The following MAPRE2 variants were observed in gnomAD, a reference collection of about 807,000 sequenced individuals.
The protein encoded by MAPRE2 is microtubule-associated protein RP/EB family member 2.
Under a neutral mutation model 43.2 loss-of-function variants are expected in MAPRE2, and 13 were observed. That is an observed-to-expected ratio of 0.30 (90% confidence interval 0.20 to 0.48). The LOEUF (loss-of-function observed/expected upper bound fraction) is 0.48, where lower values mean the gene tolerates loss of function less well. Ranked by LOEUF, MAPRE2 falls within the 20% of genes least tolerant of loss-of-function variation. The pLI is 0.99. For missense variants in MAPRE2, 161 were observed against 400.2 expected (o/e 0.40, Z 5.10); for synonymous variants, 135 against 148.8 (o/e 0.91, Z 0.68).
upstream of MAPRE2, chr18:35,041,398 G>C: frequency 2.0e-6 from 3 of 1,507,352 alleles, no homozygotes; most frequent in Non-Finnish European, 2.7e-6. Context: ...AGGGCGGGGC[G>C]CGAGCGAGAG....
chr18:35,127,178 G>A, intron 5 of MAPRE2, 91 bp downstream of exon 5: 2 of 1,279,036 alleles, frequency 1.6e-6, no homozygotes, highest in Non-Finnish European at 2.2e-6. Flanking sequence ...GGTAAGGGAG[G>A]GAAGGGTAAG....
chr18:35,138,842 T>C (rs1210438496), intron 6 of MAPRE2, among the ~76,000 whole-genome samples: 1 of 152,152 alleles, frequency 6.6e-6, no homozygotes, highest in Non-Finnish European at 1.5e-5. Context: ...GTCCATGTTG[T>C]AACCTTGACA....
chr18:34,982,380 A>G (rs2097016872), intron 1 of MAPRE2, among the ~76,000 whole-genome samples: 1 of 152,120 alleles, frequency 6.6e-6, no homozygotes, highest in African/African-American at 2.4e-5. Context: ...GTGCTTCTTC[A>G]CTAAGGAGTC....
intron 1 of MAPRE2, chr18:34,978,332 C>G (rs1431421649): frequency 3.5e-5 from 23 of 658,260 alleles, no homozygotes; most frequent in East Asian, 8.4e-5. Context: ...CCCGCGCCCG[C>G]GCGCACCGAA....
intron 5 of MAPRE2, among the ~76,000 whole-genome samples, chr18:35,130,109 A>G (rs1415687048): frequency 6.7e-6 from 1 of 149,372 alleles, no homozygotes; most frequent in Non-Finnish European, 1.5e-5. Flanking sequence ...AGACAGACCT[A>G]TTTTCGTGGG....
At chr18:35,024,704 A>G (rs1603391144) in intron 2 of MAPRE2, among the ~76,000 whole-genome samples, 1 of 152,302 alleles carries the variant, frequency 6.6e-6, no homozygotes, top group East Asian at 1.9e-4. Flanking sequence ...TTAGAAATAG[A>G]CCTTTTCAGT....
intron 2 of MAPRE2, among the ~76,000 whole-genome samples, chr18:35,028,084 G>T (rs1374554120): frequency 2.6e-5 from 4 of 152,294 alleles, no homozygotes; most frequent in Admixed American, 6.5e-5. Flanking sequence ...AGAGACAAAG[G>T]CAAAAGCTGC....
intron 4 of MAPRE2, among the ~76,000 whole-genome samples, chr18:35,119,199 C>T (rs998908272): frequency 2.0e-5 from 3 of 152,168 alleles, no homozygotes; most frequent in South Asian, 4.1e-4. Context: ...TTCTGACCTC[C>T]GTTCTTCTGG....
At chr18:35,095,392 A>ACGCACACG (rs1555917936) in intron 2 of MAPRE2, among the ~76,000 whole-genome samples, 2 of 149,550 alleles carry the variant, frequency 1.3e-5, no homozygotes, top group African/African-American at 5.0e-5. Context: ...ACACACACAC[A>ACGCACACG]CACACACACG....
intron 1 of MAPRE2, among the ~76,000 whole-genome samples, chr18:34,990,786 C>T (rs2097023358): frequency 6.6e-6 from 1 of 152,106 alleles, no homozygotes; most frequent in Admixed American, 6.6e-5. Context: ...TTTGGCAGGA[C>T]AAGGCAGAAG....
chr18:35,034,313 A>G (rs2097049352), intron 2 of MAPRE2, among the ~76,000 whole-genome samples: 1 of 152,214 alleles, frequency 6.6e-6, no homozygotes, highest in Admixed American at 6.5e-5. Flanking sequence ...TAGCCATCCT[A>G]TGTAGAAAGC....
chr18:34,981,219 T>C (rs889242935), intron 1 of MAPRE2, among the ~76,000 whole-genome samples: 1 of 151,702 alleles, frequency 6.6e-6, no homozygotes, highest in Admixed American at 6.6e-5. Context: ...ACTAAAAATA[T>C]GAAAATTAGC....
At chr18:35,031,842 T>G (rs2097047981) in intron 2 of MAPRE2, among the ~76,000 whole-genome samples, 1 of 152,198 alleles carries the variant, frequency 6.6e-6, no homozygotes. Context: ...TGAAGAGGCT[T>G]TCTTCATCTG....
chr18:34,978,680 C>T, intron 1 of MAPRE2: 4 of 793,270 alleles, frequency 5.0e-6, no homozygotes, highest in South Asian at 4.7e-5. Flanking sequence ...ACTTTGCTTT[C>T]GTTCTTTTCT....
intron 1 of MAPRE2, among the ~76,000 whole-genome samples, chr18:34,997,735 G>A (rs577339954): frequency 6.6e-6 from 1 of 152,324 alleles, no homozygotes; most frequent in East Asian, 1.9e-4. Flanking sequence ...AGAATCTCTT[G>A]AACCCAGAAG....
intron 1 of MAPRE2, among the ~76,000 whole-genome samples, chr18:34,991,717 G>A (rs1467059549): frequency 6.6e-6 from 1 of 152,144 alleles, no homozygotes; most frequent in Non-Finnish European, 1.5e-5. Context: ...GCTATTCATG[G>A]TAATTTGCCC....
intron 1 of MAPRE2, among the ~76,000 whole-genome samples, chr18:34,980,031 C>CT (rs796434537): frequency 0.29 from 13,338 of 45,350 alleles, 1,095 homozygotes; most frequent in Non-Finnish European, 0.36. Flanking sequence ...TTCTTTTTTT[C>CT]TTTTTTTTTT....
At chr18:34,985,517 A>ATATTATAT (rs1224046934) in intron 1 of MAPRE2, among the ~76,000 whole-genome samples, 3 of 61,336 alleles carry the variant, frequency 4.9e-5, no homozygotes, top group African/African-American at 2.3e-4. Context: ...TAATATATAT[A>ATATTATAT]TTATATATTA....
intron 1 of MAPRE2, among the ~76,000 whole-genome samples, chr18:35,064,369 G>A (rs1240479609): frequency 1.5e-5 from 2 of 131,558 alleles, no homozygotes; most frequent in Admixed American, 7.6e-5. Flanking sequence ...ATGAGTGATC[G>A]GTGAAGTGTG....
Sources: gnomAD v4.1 joint callset for allele counts (sites outside exome capture counted in the v4.1 genomes callset) on GRCh38, gnomAD v4.1.1 for gene constraint, MANE v1.5 for transcripts, NCBI Gene and HGNC (gene_info 2026-07-23, HGNC 2026-07-21) for gene names.